GRIA4: variants seen among roughly 807,000 people sequenced by gnomAD.
The protein encoded by GRIA4 is glutamate receptor 4.
Under a neutral mutation model 104.0 loss-of-function variants are expected in GRIA4, and 34 were observed. The ratio of observed to expected loss-of-function variants is 0.33; its 90% CI spans 0.25 to 0.44. GRIA4 has a LOEUF of 0.44. GRIA4 is among the 20% of genes least tolerant of loss of function. The pLI is 1.00. For synonymous variants in GRIA4, 386 were observed against 381.9 expected (o/e 1.01, Z -0.13); for missense variants, 750 against 1,096.5 (o/e 0.68, Z 4.46).
chr11:105,863,951 T>C (rs891148917), intron 5 of GRIA4, among the ~76,000 whole-genome samples: 3 of 152,202 alleles, frequency 2.0e-5, no homozygotes, highest in Non-Finnish European at 4.4e-5. Context: ...AAACTGGACA[T>C]CTTATATATT....
At chr11:105,636,738 T>A (rs889981544) in intron 3 of GRIA4, among the ~76,000 whole-genome samples, 1 of 152,192 alleles carries the variant, frequency 6.6e-6, no homozygotes, top group Non-Finnish European at 1.5e-5. Flanking sequence ...ATGAGCTGTT[T>A]GTAAAGGGAA....
At chr11:105,821,553 G>A (rs551112035) in intron 4 of GRIA4, among the ~76,000 whole-genome samples, 1 of 151,746 alleles carries the variant, frequency 6.6e-6, no homozygotes, top group South Asian at 2.1e-4. Flanking sequence ...AGAGGGCGGG[G>A]GAGGAAATGC....
intron 14 of GRIA4, among the ~76,000 whole-genome samples, chr11:105,945,834 C>T (rs888957129): frequency 1.4e-4 from 21 of 152,090 alleles, no homozygotes; most frequent in Non-Finnish European, 3.1e-4. Context: ...GTTAATTTCT[C>T]TATTTGTAAA....
At chr11:105,802,699 T>A (rs1189268389) in intron 4 of GRIA4, among the ~76,000 whole-genome samples, 1 of 152,012 alleles carries the variant, frequency 6.6e-6, no homozygotes, top group Non-Finnish European at 1.5e-5. Flanking sequence ...TGGCAAGATT[T>A]TTTTACAGGA....
intron 3 of GRIA4, among the ~76,000 whole-genome samples, chr11:105,743,406 T>A (rs1445963307): frequency 6.6e-6 from 1 of 152,208 alleles, no homozygotes; most frequent in East Asian, 1.9e-4. Flanking sequence ...CATTCATTTC[T>A]TGAAAAATTC....
intron 3 of GRIA4, among the ~76,000 whole-genome samples, chr11:105,621,889 C>G (rs1472841948): frequency 6.6e-6 from 1 of 151,686 alleles, no homozygotes. Flanking sequence ...TTTACTTGTC[C>G]TGAAGGGTGA....
intron 4 of GRIA4, among the ~76,000 whole-genome samples, chr11:105,839,695 A>T (rs545144003): frequency 6.6e-6 from 1 of 152,028 alleles, no homozygotes; most frequent in East Asian, 1.9e-4. Context: ...GCAACAGAGC[A>T]AGACTCCGTC....
At chr11:105,962,121 T>G (rs1398878219) in intron 14 of GRIA4, among the ~76,000 whole-genome samples, 1 of 152,202 alleles carries the variant, frequency 6.6e-6, no homozygotes, top group Non-Finnish European at 1.5e-5. Flanking sequence ...TAGGTTGACA[T>G]TTTATCAGAT....
Position 105,974,552 on chromosome 11 carries a change from T to G in GRIA4, c.2544+108T>G, listed in dbSNP as rs576623095. On this transcript the variant is annotated intron_variant, in intron 16 of 16. Coordinates refer to ENST00000282499, the MANE Select transcript of GRIA4 (RefSeq NM_000829.4). ...TATATGGAACCGAAAGTATTAAAAT[T>G]TAGGGGTAGGACTTAGGCCCGACTA... is the stretch of plus-strand genomic sequence containing the variant. 83 of 1,613,250 alleles carry G rather than the reference T, an allele frequency of 5.1e-5. 1 individual carries two copies. The South Asian group carries it at 8.7e-4, about 17-fold the overall frequency.
At chr11:105,623,096 A>C (rs1950795987) in intron 3 of GRIA4, among the ~76,000 whole-genome samples, 1 of 123,936 alleles carries the variant, frequency 8.1e-6, no homozygotes, top group Non-Finnish European at 1.7e-5. Context: ...TATATACCAT[A>C]TTTTCCTTAT....
At chr11:105,968,646 T>A (rs537027622) in intron 14 of GRIA4, among the ~76,000 whole-genome samples, 1 of 152,340 alleles carries the variant, frequency 6.6e-6, no homozygotes, top group East Asian at 1.9e-4. Context: ...GGGTACAAAT[T>A]CCTTCATTTG....
intron 13 of GRIA4, 64 bp downstream of exon 13, chr11:105,927,003 A>ATTTTATT: frequency 9.7e-7 from 1 of 1,032,214 alleles, no homozygotes; most frequent in Non-Finnish European, 1.5e-6. Flanking sequence ...AATTTTTCCA[A>ATTTTATT]CAATTATACC....
chr11:105,955,895 T>A (rs1044926130), intron 14 of GRIA4, among the ~76,000 whole-genome samples: 1 of 152,208 alleles, frequency 6.6e-6, no homozygotes, highest in African/African-American at 2.4e-5. Context: ...TTTTTTCATA[T>A]GTTTATTGGC....
intron 4 of GRIA4, among the ~76,000 whole-genome samples, chr11:105,779,480 A>G (rs918495999): frequency 2.0e-5 from 3 of 152,144 alleles, no homozygotes; most frequent in Non-Finnish European, 4.4e-5. Context: ...CTCATTGTTC[A>G]GTTCCCACCT....
intron 7 of GRIA4, 93 bp downstream of exon 7, chr11:105,898,520 A>G: frequency 1.3e-6 from 1 of 773,128 alleles, no homozygotes; most frequent in East Asian, 2.7e-5. Flanking sequence ...CATTTTGCCA[A>G]ACATAGTATG....
intron 3 of GRIA4, among the ~76,000 whole-genome samples, chr11:105,697,397 A>T (rs999740559): frequency 6.6e-6 from 1 of 152,180 alleles, no homozygotes; most frequent in Non-Finnish European, 1.5e-5. Flanking sequence ...AAGAGGTTAA[A>T]AACCCCTAAG....
At chr11:105,965,727 G>A (rs747726665) in intron 14 of GRIA4, among the ~76,000 whole-genome samples, 1 of 152,016 alleles carries the variant, frequency 6.6e-6, no homozygotes, top group Non-Finnish European at 1.5e-5. Context: ...GACAATAAAC[G>A]AACTGTGAAA....
intron 4 of GRIA4, among the ~76,000 whole-genome samples, chr11:105,772,619 C>T (rs1055613934): frequency 7.2e-5 from 11 of 151,966 alleles, no homozygotes; most frequent in Admixed American, 4.6e-4. Context: ...CCAACCGTCA[C>T]GTTGTTCAAA....
At chr11:105,756,925 T>C (rs1940345348) in intron 4 of GRIA4, among the ~76,000 whole-genome samples, 1 of 152,146 alleles carries the variant, frequency 6.6e-6, no homozygotes, top group Admixed American at 6.6e-5. Flanking sequence ...GGAGAACAGC[T>C]AACTGTGTCT....
Sources: gnomAD v4.1 joint callset for allele counts (sites outside exome capture counted in the v4.1 genomes callset) on GRCh38, gnomAD v4.1.1 for gene constraint, MANE v1.5 for transcripts, NCBI Gene and HGNC (gene_info 2026-07-23, HGNC 2026-07-21) for gene names.